Variants in AHDC1 observed in about 807,000 individuals in gnomAD.
AHDC1 encodes the protein AT-hook DNA binding motif containing 1.
AHDC1 carries 7 observed loss-of-function variants against 87.9 expected under a neutral mutation model. That is an observed-to-expected ratio of 0.08 (90% CI 0.05 to 0.15). The LOEUF is 0.15. Among genes scored for constraint, AHDC1 ranks in the 10% least tolerant of loss-of-function variants. The pLI, the probability that AHDC1 is intolerant of heterozygous loss-of-function variation, is 1.00. For synonymous variants in AHDC1, 1,051 were observed against 1,006.8 expected, an observed-to-expected ratio of 1.04 and a Z score of -0.83; for missense variants, 1,841 against 2,253.2, an observed-to-expected ratio of 0.82 and a Z score of 3.70.
Position 27,549,551 on chromosome 1 carries a change from A to G in AHDC1, c.2565T>C (p.Phe855=). The G allele has an allele frequency of 1.2e-6, 2 of 1,613,280 alleles. No homozygotes were observed. The highest frequency in any genetic ancestry group is 2.2e-5 in the South Asian group (2 of 91,086). Residue 855 remains phenylalanine, a synonymous_variant, in exon 8 of 9, where the codon TTT becomes TTC. Coordinates refer to ENST00000673934, the MANE Select transcript of AHDC1 (RefSeq NM_001371928.1). ...ACTCTGGGCGAGAGGCTGAGAGGGC[A>G]AAGTCCAAGAGATCGGAGGAGTCAT... is the stretch of plus-strand genomic sequence containing the variant. ...DSDDSSDLLD[F]ALSASRPESR... is the part of the protein sequence containing the mutation.
intron 3 of AHDC1, among the ~76,000 whole-genome samples, chr1:27,602,301 C>T (rs1360868908): frequency 1.3e-5 from 2 of 152,038 alleles, no homozygotes; most frequent in African/African-American, 2.4e-5. Context: ...GCCCGCTGCC[C>T]GCCTCAGGGA....
intron 8 of AHDC1, among the ~76,000 whole-genome samples, chr1:27,539,243 G>C (rs1353369018): frequency 6.6e-6 from 1 of 150,644 alleles, no homozygotes; most frequent in East Asian, 1.9e-4. Flanking sequence ...GGGCTCAAGC[G>C]ATCTTCCCAC....
chr1:27,548,477 AGAT>A lies in AHDC1; in HGVS notation c.3636_3638del (p.Ser1213del), dbSNP rs1461910257. 1 of 1,613,904 alleles carries A rather than the reference AGAT, an allele frequency of 6.2e-7. No individual in the cohort carries two copies. Among genetic ancestry groups the A allele is most frequent in the Non-Finnish European group, 8.5e-7 (1 of 1,180,032 alleles). On this transcript the variant is annotated inframe_deletion, in exon 8 of 9. Coordinates refer to ENST00000673934, the MANE Select transcript of AHDC1 (RefSeq NM_001371928.1). Reference sequence around the variant, plus strand: ...TCTGGTTCCAGTTGTAGCCGGGGGCAGATGATGCCTCGTTCCAGTCCATCATCA... The same window carrying A: ...TCTGGTTCCAGTTGTAGCCGGGGGCAGATGCCTCGTTCCAGTCCATCATCA...
In AHDC1 at chr1:27,593,520, C is replaced by G. The variant is rs189021536; in HGVS notation, c.-629+9877G>C. 1.3e-5 allele frequency among the ~76,000 whole-genome samples: 2 copies of G among 152,210 alleles called. No individual in the cohort carries two copies. The highest frequency in any genetic ancestry group is 2.4e-5 in the African/African-American group (1 of 41,454). Reference sequence around the variant, plus strand: ...CAGAACCCTAAGACCCAGGCCCTGGCCCATTCCCTCTGGCCCTTGGTGCTG... The same window carrying G: ...CAGAACCCTAAGACCCAGGCCCTGGGCCATTCCCTCTGGCCCTTGGTGCTG... On this transcript the variant is annotated intron_variant, in intron 3 of 8. Coordinates refer to ENST00000673934, the MANE Select transcript of AHDC1 (RefSeq NM_001371928.1). This position sits in a 1 kb window ranked among gnomAD's most constrained non-coding sequence, Gnocchi z 4.9.
Position 27,550,566 on chromosome 1 carries a change from G to T in AHDC1, c.1550C>A (p.Pro517His). Residue 517 changes from proline to histidine, a missense_variant, in exon 8 of 9, where the codon CCC (proline) becomes CAC (histidine). Pro to His is a moderately conservative substitution (Grantham distance 77). Transcript: ENST00000673934. ...KELGLRVSAE[P>H]TPLLKMKNNG... is the part of the protein sequence containing the mutation. ...GTTCTTCATCTTCAGCAGCGGGGTG[G>T]GCTCAGCCGACACGCGCAGGCCCAG... 3 of 1,613,498 alleles carry T rather than the reference G, an allele frequency of 1.9e-6. No individual in the cohort carries two copies. The highest frequency in any genetic ancestry group is 1.1e-5 in the South Asian group (1 of 91,076).
At position 27,549,005 on chromosome 1, in the gene AHDC1, G is replaced by T. The variant is rs1389544172; in HGVS notation, c.3111C>A (p.Phe1037Leu). 2 of 1,574,098 alleles carry T rather than the reference G, an allele frequency of 1.3e-6. No homozygotes were observed. Among genetic ancestry groups the T allele is most frequent in the Non-Finnish European group, 1.7e-6 (2 of 1,159,084 alleles). Reference protein sequence around the residue: ...GPCLPPSKASFFSSSEGAPFS... With the variant: ...GPCLPPSKASLFSSSEGAPFS... ...AGGGGGCCCCCTCAGAGCTGCTGAA[G>T]AAGGAGGCCTTGCTTGGTGGCAGGC... The change falls in exon 8 of 9, where the codon TTC becomes TTA. Residue 1037 changes from phenylalanine (F) to leucine (L), a missense_variant. By Grantham distance (22) the Phe-to-Leu change is conservative (BLOSUM62 0). Around this residue, in one of 13 missense-constraint regions of AHDC1, gnomAD observed 378 missense variants for 399.0 expected, o/e 0.95. Transcript: ENST00000673934.
chr1:27,547,472 C>G lies in AHDC1; in HGVS notation c.4644G>C (p.Leu1548=), dbSNP rs758049616. The change falls in exon 8 of 9, where the codon CTG becomes CTC. Residue 1548 remains leucine, a synonymous_variant. Transcript: ENST00000673934. The surrounding 1 kb of genome is among the most constrained non-coding windows in gnomAD (Gnocchi z 4.9). ...GCAGCGAGTCCCTCGGCACGGGGGA[C>G]AGGGTCAAGTCACTAAGGAGTGGGC... ...YGCPLLSDLT[L]SPVPRDSLLP... 1 of 1,598,180 alleles carries G rather than the reference C, an allele frequency of 6.3e-7. No individual in the cohort carries two copies. Among genetic ancestry groups the G allele is most frequent in the Non-Finnish European group, 8.6e-7 (1 of 1,168,734 alleles).
intron 3 of AHDC1, among the ~76,000 whole-genome samples, chr1:27,602,425 C>T (rs1255490442): frequency 6.6e-6 from 1 of 152,160 alleles, no homozygotes; most frequent in African/African-American, 2.4e-5. Context: ...CCCCAAGCTC[C>T]CATCAGTCCT....
chr1:27,583,073 G>A (rs144469787), intron 3 of AHDC1, among the ~76,000 whole-genome samples: 1,581 of 152,222 alleles, frequency 0.01, 21 homozygotes, highest in African/African-American at 0.035. Context: ...TCACCATGTT[G>A]GCCAGGCTGG....
intron 3 of AHDC1, among the ~76,000 whole-genome samples, chr1:27,592,853 C>T (rs750418402): frequency 1.4e-4 from 22 of 152,008 alleles, no homozygotes; most frequent in Admixed American, 4.6e-4. Flanking sequence ...TGGGTTCTTC[C>T]GCACTCCTCT....
chr1:27,595,764 A>G lies in AHDC1; in HGVS notation c.-629+7633T>C, dbSNP rs1393526390. On this transcript the variant is annotated intron_variant, in intron 3 of 8. Coordinates refer to ENST00000673934, the MANE Select transcript of AHDC1 (RefSeq NM_001371928.1). The surrounding 1 kb of genome is among the most constrained non-coding windows in gnomAD (Gnocchi z 4.0). Reference sequence around the variant, plus strand: ...GCCACAGGCTATCGTCCGTGCATGCACAGGTATGAGGGCTGTAACCAGGTT... The same window carrying G: ...GCCACAGGCTATCGTCCGTGCATGCGCAGGTATGAGGGCTGTAACCAGGTT... Among the ~76,000 whole-genome samples, 1 of 151,956 alleles carries G rather than the reference A, an allele frequency of 6.6e-6. No individual in the cohort carries two copies. Among genetic ancestry groups the G allele is most frequent in the African/African-American group, 2.4e-5 (1 of 41,312 alleles).
Position 27,549,091 on chromosome 1 carries a change from G to A in AHDC1, c.3025C>T (p.Pro1009Ser). The A allele has an allele frequency of 4.5e-6, 7 of 1,555,342 alleles. No individual in the cohort carries two copies. Among genetic ancestry groups the A allele is most frequent in the Non-Finnish European group, 6.1e-6 (7 of 1,149,914 alleles). The change falls in exon 8 of 9, where the codon CCT becomes TCT. Residue 1009 changes from proline to serine, a missense_variant. Around this residue, in one of 13 missense-constraint regions of AHDC1, gnomAD observed 378 missense variants for 399.0 expected, o/e 0.95. Transcript: ENST00000673934. ...CTGTGGGCGCTGCTGGGTGAGGCAG[G>A]GAGGCTGTTGCCACTGCCATAGGCG... ...SFAYGSGNSL[P>S]ASPSSAHSAG...
intron 8 of AHDC1, among the ~76,000 whole-genome samples, chr1:27,543,546 C>T (rs752623514): frequency 6.6e-6 from 1 of 152,234 alleles, no homozygotes. Flanking sequence ...GCCCTTCCCC[C>T]GGTCTCCATG....
At chr1:27,586,788 C>T (rs556751105) in intron 3 of AHDC1, among the ~76,000 whole-genome samples, 333 of 152,322 alleles carry the variant, frequency 2.2e-3, no homozygotes, top group Admixed American at 3.3e-3. Context: ...CCCTGCTCCC[C>T]AGTCAGTGGG....
chr1:27,541,382 G>A lies in AHDC1; in HGVS notation c.*43+5879C>T, dbSNP rs188004909. ...CGCCCAGGCTGGAGTGCAGTGGTACGATCGTAGTTCACTGCAACCTCCGGC... is the reference window on the plus strand; with the variant it reads ...CGCCCAGGCTGGAGTGCAGTGGTACAATCGTAGTTCACTGCAACCTCCGGC... On this transcript the variant is annotated intron_variant, in intron 8 of 8. Coordinates refer to ENST00000673934, the MANE Select transcript of AHDC1 (RefSeq NM_001371928.1). Among the ~76,000 whole-genome samples the A allele has an allele frequency of 1.2e-4, 18 of 152,068 alleles. No homozygotes were observed. The East Asian group carries it at 2.1e-3, about 18-fold the overall frequency.
intron 8 of AHDC1, among the ~76,000 whole-genome samples, chr1:27,543,120 T>G (rs1194132000): frequency 6.6e-6 from 1 of 152,202 alleles, no homozygotes; most frequent in Admixed American, 6.5e-5. Context: ...GCTTCCTGCT[T>G]CAGTCAGGCC....
chr1:27,549,356 G>A lies in AHDC1; in HGVS notation c.2760C>T (p.Thr920=). The A allele has an allele frequency of 5.6e-6, 9 of 1,612,880 alleles. No individual in the cohort carries two copies. Among genetic ancestry groups the A allele is most frequent in the Non-Finnish European group, 7.6e-6 (9 of 1,179,640 alleles). The change falls in exon 8 of 9, where the codon ACC becomes ACT. Residue 920 remains threonine, a synonymous_variant. Transcript: ENST00000673934. ...SFQPVLSARQ[T]FPPGRAASYG... is the part of the protein sequence containing the mutation. Reference sequence around the variant, plus strand: ...AGCTTGCTGCTCGTCCTGGTGGGAAGGTCTGGCGCGCGGACAGGACAGGCT... The same window carrying A: ...AGCTTGCTGCTCGTCCTGGTGGGAAAGTCTGGCGCGCGGACAGGACAGGCT...
Position 27,558,918 on chromosome 1 carries a change from A to G in AHDC1, c.-628-35T>C. On this transcript the variant is annotated intron_variant, in intron 3 of 8. Transcript: ENST00000673934. The surrounding 1 kb of genome is among the most constrained non-coding windows in gnomAD (Gnocchi z 5.6). ...CAAACACAGCACCACAGAGATAAGC[A>G]TGGACACAGGGTAAGCCAGCCAGAC... is the stretch of plus-strand genomic sequence containing the variant. The G allele has an allele frequency of 2.5e-6, 1 of 398,750 alleles. No homozygotes were observed. The highest frequency in any genetic ancestry group is 4.4e-6 in the Non-Finnish European group (1 of 226,106). The allele number at this position is 398,750 out of a possible 1,614,324, so 24.7% of individuals were successfully genotyped here.
intron 3 of AHDC1, among the ~76,000 whole-genome samples, chr1:27,564,622 G>A (rs2020239905): frequency 1.3e-5 from 2 of 152,208 alleles, no homozygotes; most frequent in East Asian, 1.9e-4. Flanking sequence ...ACCTGGAGCT[G>A]TTTCTTTAAG....
Sources: allele counts gnomAD v4.1 joint callset (sites outside exome capture counted in the v4.1 genomes callset), GRCh38; gene constraint gnomAD v4.1.1; regional missense constraint gnomAD v4.1.1; non-coding constraint Gnocchi (gnomAD v3.1); transcripts MANE v1.5; gene names NCBI Gene and HGNC (gene_info 2026-07-23, HGNC 2026-07-21).